Variants in PSTPIP2 observed in about 807,000 individuals in gnomAD.
PSTPIP2 encodes proline-serine-threonine phosphatase-interacting protein 2.
PSTPIP2 carries 33 observed loss-of-function variants against 63.3 expected under a neutral mutation model. The ratio of observed to expected loss-of-function variants is 0.52; its 90% CI spans 0.40 to 0.70. The LOEUF (loss-of-function observed/expected upper bound fraction) is 0.70, where lower values mean the gene tolerates loss of function less well. Ranked by LOEUF, PSTPIP2 falls within the 30% of genes least tolerant of loss-of-function variation. PSTPIP2 has a pLI of 0.00. For missense variants in PSTPIP2, 312 were observed against 400.7 expected, an observed-to-expected ratio of 0.78 and a Z score of 1.89; for synonymous variants, 125 against 132.7, an observed-to-expected ratio of 0.94 and a Z score of 0.40.
At chr18:46,049,946 C>G (rs1908530710) in intron 1 of PSTPIP2, among the ~76,000 whole-genome samples, 1 of 151,908 alleles carries the variant, frequency 6.6e-6, no homozygotes, top group Non-Finnish European at 1.5e-5. Flanking sequence ...ACAGGCAACA[C>G]TCTAAAAAGA....
At chr18:46,008,988 C>T (rs140591995) in intron 5 of PSTPIP2, among the ~76,000 whole-genome samples, 3 of 152,088 alleles carry the variant, frequency 2.0e-5, no homozygotes, top group African/African-American at 4.8e-5. Context: ...GATGACATTA[C>T]GTGTTCCCAC....
chr18:45,996,539 T>C (rs2144065231), intron 9 of PSTPIP2, among the ~76,000 whole-genome samples: 1 of 152,256 alleles, frequency 6.6e-6, no homozygotes, highest in South Asian at 2.1e-4. Flanking sequence ...GCTTCCAAGT[T>C]ATGTTTTTTA....
At chr18:46,060,404 T>C (rs1362041588) in intron 1 of PSTPIP2, among the ~76,000 whole-genome samples, 2 of 152,240 alleles carry the variant, frequency 1.3e-5, no homozygotes, top group African/African-American at 4.8e-5. Context: ...TGACGTACTT[T>C]ATCATTTGAA....
At chr18:46,034,632 G>A (rs1282560589) in intron 2 of PSTPIP2, among the ~76,000 whole-genome samples, 1 of 152,116 alleles carries the variant, frequency 6.6e-6, no homozygotes, top group Non-Finnish European at 1.5e-5. Flanking sequence ...ACTATATATT[G>A]TGTACCAGCT....
intron 1 of PSTPIP2, among the ~76,000 whole-genome samples, chr18:46,065,686 C>T (rs1419843427): frequency 2.6e-5 from 4 of 152,112 alleles, no homozygotes; most frequent in East Asian, 1.9e-4. Context: ...AGGCTGGTCT[C>T]GAACTCCGGA....
At chr18:46,001,313 T>C (rs1568212231) in intron 6 of PSTPIP2, among the ~76,000 whole-genome samples, 1 of 152,218 alleles carries the variant, frequency 6.6e-6, no homozygotes. Flanking sequence ...GGTATCTCAT[T>C]GTGGTTTTAA....
intron 1 of PSTPIP2, among the ~76,000 whole-genome samples, chr18:46,048,771 G>A (rs1236208278): frequency 6.6e-6 from 1 of 152,162 alleles, no homozygotes; most frequent in Non-Finnish European, 1.5e-5. Context: ...TCCTGAATGG[G>A]AAATGTTTTC....
At chr18:46,018,527 C>T (rs2051876773) in intron 3 of PSTPIP2, among the ~76,000 whole-genome samples, 1 of 152,104 alleles carries the variant, frequency 6.6e-6, no homozygotes, top group African/African-American at 2.4e-5. Context: ...CACCACCACG[C>T]CCAGCTAATT....
intron 2 of PSTPIP2, chr18:46,028,334 CGAGCG>C (rs1163947692): frequency 1.7e-5 from 8 of 473,406 alleles, no homozygotes; most frequent in Non-Finnish European, 3.3e-5. Flanking sequence ...GGAGCGGGGC[CGAGCG>C]AGCCGCCCCA....
chr18:46,004,689 T>A (rs763714652), intron 6 of PSTPIP2, among the ~76,000 whole-genome samples: 1 of 152,216 alleles, frequency 6.6e-6, no homozygotes, highest in Admixed American at 6.5e-5. Context: ...CCCTGTTGCA[T>A]TTCCACTATC....
chr18:46,047,126 A>G (rs1444129572), intron 1 of PSTPIP2, among the ~76,000 whole-genome samples: 5 of 152,244 alleles, frequency 3.3e-5, no homozygotes, highest in Admixed American at 3.3e-4. Flanking sequence ...ATTAAGAGCC[A>G]TAAAACAGCA....
At chr18:46,028,502 C>A in intron 2 of PSTPIP2, 1 of 637,100 alleles carries the variant, frequency 1.6e-6, no homozygotes, top group South Asian at 1.4e-5. Context: ...TCGGCGATGT[C>A]GAGGACGACG....
At chr18:46,068,859 C>T (rs1416301333) in intron 1 of PSTPIP2, among the ~76,000 whole-genome samples, 4 of 152,088 alleles carry the variant, frequency 2.6e-5, no homozygotes. Context: ...TCAAACTCTG[C>T]TAAGGCTCCA....
At chr18:46,026,153 A>G (rs1907571087) in intron 2 of PSTPIP2, among the ~76,000 whole-genome samples, 1 of 152,204 alleles carries the variant, frequency 6.6e-6, no homozygotes, top group South Asian at 2.1e-4. Flanking sequence ...AGTGTCCTCC[A>G]AAAAAGTCTT....
intron 9 of PSTPIP2, 72 bp downstream of exon 9, chr18:45,997,677 C>A: frequency 2.5e-6 from 1 of 403,748 alleles, no homozygotes; most frequent in South Asian, 2.0e-5. Flanking sequence ...CCCCCCCCGT[C>A]CTGAGCAGCT....
At chr18:46,041,036 G>T (rs182090874) in intron 1 of PSTPIP2, 7 of 458,942 alleles carry the variant, frequency 1.5e-5, no homozygotes, top group Non-Finnish European at 3.1e-5. Context: ...ACTTGCCACT[G>T]AACTTGACCC....
chr18:45,998,521 A>G (rs1036915480), intron 8 of PSTPIP2, among the ~76,000 whole-genome samples: 4 of 152,210 alleles, frequency 2.6e-5, no homozygotes, highest in African/African-American at 9.6e-5. Flanking sequence ...CTAAGCAGAC[A>G]GAAGCCAGAA....
At chr18:46,071,970 T>A (rs1909410248) in intron 1 of PSTPIP2, among the ~76,000 whole-genome samples, 186 bp downstream of exon 1, 1 of 152,042 alleles carries the variant, frequency 6.6e-6, no homozygotes. Flanking sequence ...CGGCGTCCGC[T>A]CCAAGTCTGC....
chr18:46,035,021 G>A (rs774196009), intron 2 of PSTPIP2, among the ~76,000 whole-genome samples: 2 of 152,094 alleles, frequency 1.3e-5, no homozygotes, highest in African/African-American at 4.8e-5. Context: ...GGGATCTGAG[G>A]GTGGGAGAGT....
Sources: allele counts gnomAD v4.1 joint callset (sites outside exome capture counted in the v4.1 genomes callset), GRCh38; gene constraint gnomAD v4.1.1; transcripts MANE v1.5; gene names NCBI Gene and HGNC (gene_info 2026-07-23, HGNC 2026-07-21).